The following PKHD1L1 variants were observed in gnomAD, a reference collection of about 807,000 sequenced individuals.
The protein encoded by PKHD1L1 is fibrocystin-L.
Under a neutral mutation model 462.9 loss-of-function variants are expected in PKHD1L1, and 434 were observed. The ratio of observed to expected loss-of-function variants is 0.94; its 90% CI spans 0.87 to 1.02. PKHD1L1 has a LOEUF of 1.02. Among genes scored for constraint, PKHD1L1 ranks in the 50% least tolerant of loss-of-function variants. PKHD1L1 has a pLI of 0.00. For missense variants in PKHD1L1, 5,202 were observed against 5,096.1 expected (o/e 1.02, Z -0.63); for synonymous variants, 1,781 against 1,750.0 (o/e 1.02, Z -0.44).
rs1384203372 is a variant in PKHD1L1 at position 109,523,259 on chromosome 8, T to C, written c.12357T>C (p.Thr4119=). The C allele has an allele frequency of 1.2e-6, 2 of 1,610,130 alleles. No homozygotes were observed. The highest frequency in any genetic ancestry group is 1.7e-5 in the Admixed American group (1 of 59,864). ...SDGNCVSVGI[T]ALTLRAILKD... is the part of the protein sequence containing the mutation. ...GTAACTGTGTATCAGTTGGAATTAC[T>C]GCACTAACTTTGAGGGCCATACTCA... The change falls in exon 76 of 78, where the codon ACT becomes ACC. Residue 4119 remains threonine, a synonymous_variant. Transcript: ENST00000378402.
At chr8:109,383,372 T>C (rs1812264548) in intron 4 of PKHD1L1, among the ~76,000 whole-genome samples, 1 of 115,184 alleles carries the variant, frequency 8.7e-6, no homozygotes, top group Non-Finnish European at 1.7e-5. Context: ...TAATATATTA[T>C]ATAGTATGTA....
chr8:109,494,405 G>A (rs1818985773), intron 63 of PKHD1L1, among the ~76,000 whole-genome samples: 1 of 151,892 alleles, frequency 6.6e-6, no homozygotes. Flanking sequence ...GCTAACAGTT[G>A]CCTTTACAAA....
chr8:109,494,618 G>A (rs1173985785), intron 63 of PKHD1L1, among the ~76,000 whole-genome samples: 1 of 151,902 alleles, frequency 6.6e-6, no homozygotes, highest in Non-Finnish European at 1.5e-5. Context: ...AGTGCTTACT[G>A]GAGAGTGCAA....
At chr8:109,501,767 T>C (rs1410923029) in intron 67 of PKHD1L1, among the ~76,000 whole-genome samples, 1 of 152,236 alleles carries the variant, frequency 6.6e-6, no homozygotes, top group Non-Finnish European at 1.5e-5. Context: ...CTGATATTTG[T>C]TGGACAAATC....
rs1218277392 is a variant in PKHD1L1 at position 109,464,863 on chromosome 8, T to C, written c.8031T>C (p.Asn2677=). 1.9e-6 allele frequency: 3 copies of C among 1,613,804 alleles called. No individual in the cohort carries two copies. The highest frequency in any genetic ancestry group is 2.2e-5 in the East Asian group (1 of 44,874). ...AGTTCCATAACTTTGTGATGGTGAA[T>C]AACTATGAGGCTGGAATTGAGACTA... ...ALQFHNFVMV[N]NYEAGIETKR... is the part of the protein sequence containing the mutation. The change falls in exon 49 of 78, where the codon AAT becomes AAC. Residue 2677 remains asparagine, a synonymous_variant. Transcript: ENST00000378402.
chr8:109,374,614 G>C (rs1811705675), intron 2 of PKHD1L1, among the ~76,000 whole-genome samples: 1 of 152,164 alleles, frequency 6.6e-6, no homozygotes, highest in Non-Finnish European at 1.5e-5. Context: ...TTTACAATTT[G>C]GCATGTTTTT....
In PKHD1L1 at chr8:109,449,462, A is replaced by G. The variant is rs1218474711; in HGVS notation, c.6150A>G (p.Leu2050=). The G allele has an allele frequency of 1.3e-5, 20 of 1,597,728 alleles. No homozygotes were observed. The highest frequency in any genetic ancestry group is 1.6e-5 in the Non-Finnish European group (19 of 1,171,612). ...IDRLRSDYTT[L]LCEIPSNNGT... ...GGCTTAGATCTGATTACACAACACT[A>G]TTATGTGAAATTCCATCTAATAATG... The change falls in exon 40 of 78, where the codon CTA becomes CTG. Residue 2050 remains leucine (L), a synonymous_variant. Transcript: ENST00000378402.
chr8:109,517,535 C>T (rs1820333413), intron 72 of PKHD1L1, among the ~76,000 whole-genome samples: 1 of 152,070 alleles, frequency 6.6e-6, no homozygotes, highest in African/African-American at 2.4e-5. Flanking sequence ...TACATATATT[C>T]ATTCATTATA....
intron 22 of PKHD1L1, 120 bp from the exon 23 acceptor site, chr8:109,420,395 TTGA>T (rs2130643831): frequency 3.6e-6 from 2 of 555,418 alleles, no homozygotes; most frequent in East Asian, 6.6e-5. Context: ...TTGATATTAT[TTGA>T]TGATTTTATT....
chr8:109,450,909 G>A, intron 40 of PKHD1L1, 66 bp from the exon 41 acceptor site: 1 of 1,435,680 alleles, frequency 7.0e-7, no homozygotes, highest in South Asian at 1.4e-5. Flanking sequence ...GAAAATGTTT[G>A]GAGGTTTTGG....
At chr8:109,471,325 A>G (rs1310536812) in intron 50 of PKHD1L1, among the ~76,000 whole-genome samples, 1 of 152,178 alleles carries the variant, frequency 6.6e-6, no homozygotes, top group Non-Finnish European at 1.5e-5. Flanking sequence ...ACACAAAAAT[A>G]AAGACTAGAG....
Position 109,502,111 on chromosome 8 carries a change from T to G in PKHD1L1, c.10829-2216T>G, listed in dbSNP as rs12679341. 3.9e-4 allele frequency among the ~76,000 whole-genome samples: 59 copies of G among 152,268 alleles called. 1 individual carries two copies. The East Asian group carries it at 0.01, about 27-fold the overall frequency. Reference sequence around the variant, plus strand: ...CACTCATTCAAGGCCACCTCTGAGTTGGGCTGAAATGCATTGGAATTATGT... The same window carrying G: ...CACTCATTCAAGGCCACCTCTGAGTGGGGCTGAAATGCATTGGAATTATGT... On this transcript the variant is annotated intron_variant, in intron 67 of 77. Transcript: ENST00000378402.
At chr8:109,383,135 TTATTG>T (rs2130427185) in intron 4 of PKHD1L1, among the ~76,000 whole-genome samples, 1 of 92,266 alleles carries the variant, frequency 1.1e-5, no homozygotes, top group African/African-American at 4.3e-5. Flanking sequence ...GTTATATATA[TTATTG>T]TATATATTAT....
In PKHD1L1 at chr8:109,445,018, G is replaced by A; in HGVS notation, c.5149G>A (p.Ala1717Thr). The change falls in exon 38 of 78, where the codon GCT becomes ACT. Residue 1717 changes from alanine to threonine, a missense_variant. By Grantham distance (58) the Ala-to-Thr change is moderately conservative. Coordinates refer to ENST00000378402, the MANE Select transcript of PKHD1L1 (RefSeq NM_177531.6). ...YTAIECETSP[A>T]AQQLVDVDLL... The stretch of plus-strand genomic sequence containing the variant: ...GGCCATTGAATGTGAAACATCCCCT[G>A]CTGCCCAACAGCTTGTGGATGTAGA... The A allele has an allele frequency of 1.9e-6, 3 of 1,613,926 alleles. No individual in the cohort carries two copies. The highest frequency in any genetic ancestry group is 2.5e-6 in the Non-Finnish European group (3 of 1,179,882).
intron 71 of PKHD1L1, 38 bp from the exon 72 acceptor site, chr8:109,515,132 A>G: frequency 6.4e-6 from 9 of 1,412,762 alleles, no homozygotes; most frequent in Non-Finnish European, 7.6e-6. Flanking sequence ...CAAATATTCT[A>G]TTTTGTTGCT....
Position 109,491,947 on chromosome 8 carries a change from C to T in PKHD1L1, c.10189C>T (p.Gln3397Ter). The change falls in exon 62 of 78, where the codon CAG (glutamine) becomes TAG (stop). Residue 3397 changes from glutamine (Q) to a stop codon, truncating the protein, a stop_gained. Transcript: ENST00000378402. LOFTEE classifies it high-confidence loss of function. The part of the protein sequence containing the change: ...IALSVWPGTY[Q>*]NRKDLSSTLW... ...ACTTTCGGTTTGGCCAGGAACCTAT[C>T]AGAACAGAAAAGATTTAAGTTCAAC... 6.3e-7 allele frequency: 1 copy of T among 1,595,844 alleles called. No homozygotes were observed. Among genetic ancestry groups the T allele is most frequent in the South Asian group, 1.1e-5 (1 of 88,620 alleles).
chr8:109,456,415 G>A (rs373600039), intron 46 of PKHD1L1, 24 bp downstream of exon 46: 4 of 1,572,870 alleles, frequency 2.5e-6, no homozygotes, highest in Non-Finnish European at 8.6e-7. Context: ...TGGGCTTAAT[G>A]ATGTGTATTT....
rs1456607119 is a variant in PKHD1L1, at chr8:109,383,278, G to T, written c.417+707G>T. Among the ~76,000 whole-genome samples, 12 of 82,826 alleles carry T rather than the reference G, an allele frequency of 1.4e-4. No individual in the cohort carries two copies. In the South Asian group the frequency reaches 1.6e-3, roughly 11 times the overall value. The allele number at this position is 82,826 out of a possible 152,430, so 54.3% of individuals were successfully genotyped here. On this transcript the variant is annotated intron_variant, in intron 4 of 77. Transcript: ENST00000378402. Reference sequence around the variant, plus strand: ...ATAGATAATTATATAATATATAATAGAATTATATATTATGTATAATTATAC... The same window carrying T: ...ATAGATAATTATATAATATATAATATAATTATATATTATGTATAATTATAC...
At chr8:109,513,000 C>CAG (rs2130996409) in intron 71 of PKHD1L1, among the ~76,000 whole-genome samples, 1 of 151,920 alleles carries the variant, frequency 6.6e-6, no homozygotes, top group African/African-American at 2.4e-5. Context: ...CTCTGTTTGT[C>CAG]TGTTATTGGT....
Sources: gnomAD v4.1 joint callset for allele counts (sites outside exome capture counted in the v4.1 genomes callset) on GRCh38, gnomAD v4.1.1 for gene constraint, MANE v1.5 for transcripts, NCBI Gene and HGNC (gene_info 2026-07-23, HGNC 2026-07-21) for gene names.